Variants in CSTF2 observed in about 807,000 individuals in gnomAD.
The protein encoded by CSTF2 is cleavage stimulation factor subunit 2, also known as CF-1 64 kDa subunit.
A neutral mutation model predicts 45.4 loss-of-function variants in CSTF2; 8 were observed. The ratio of observed to expected loss-of-function variants is 0.18; its 90% CI spans 0.10 to 0.32. The LOEUF (loss-of-function observed/expected upper bound fraction) is 0.32, where lower values mean the gene tolerates loss of function less well. Ranked by LOEUF, CSTF2 falls within the 10% of genes least tolerant of loss-of-function variation. The pLI, the probability that CSTF2 is intolerant of heterozygous loss-of-function variation, is 1.00. For synonymous variants in CSTF2, 155 were observed against 158.9 expected, an observed-to-expected ratio of 0.98 and a Z score of 0.18; for missense variants, 253 against 477.1, an observed-to-expected ratio of 0.53 and a Z score of 4.38.
At chrX:100,830,876 T>C in intron 8 of CSTF2, 1 of 1,146,149 alleles carries the variant, frequency 8.7e-7, no homozygotes, top group East Asian at 3.3e-5. Context: ...AGGTACCCAT[T>C]GTATCTGTGG....
chrX:100,837,285 G>T, intron 11 of CSTF2, 54 bp from the exon 12 acceptor site: 1 of 842,560 alleles, frequency 1.2e-6, no homozygotes, highest in Non-Finnish European at 1.7e-6. Flanking sequence ...CTGAATTCAG[G>T]TTACCTATAC....
chrX:100,835,941 T>A (rs2085005756), intron 11 of CSTF2, among the ~76,000 whole-genome samples: 1 of 111,568 alleles, frequency 9.0e-6, no homozygotes, highest in Admixed American at 9.5e-5. Context: ...ACACCACCTG[T>A]TCCCCAATAA....
rs1051196809 is a variant in CSTF2 at position 100,831,725 on chromosome X, CTT to C, written c.1031+71_1031+72del. 54 of 1,100,602 alleles carry C rather than the reference CTT, an allele frequency of 4.9e-5. No homozygotes were observed. In the Admixed American group the frequency reaches 1.1e-3, roughly 23 times the overall value. The allele number at this position is 1,100,602 out of a possible 1,213,427, so 90.7% of individuals were successfully genotyped here. A position where few individuals can be genotyped will look rare whatever the true frequency, so the allele number is the denominator to read the frequency against. On this transcript the variant is annotated intron_variant, in intron 9 of 13. Coordinates refer to ENST00000372972, the MANE Select transcript of CSTF2 (RefSeq NM_001325.3). ...GTCCCTTCTTCCCTGAGAACAAAAT[CTT>C]TCTGTACCAGTTGTACCTGTTTGCC...
chrX:100,820,905 C>T (rs1345560426), intron 1 of CSTF2, among the ~76,000 whole-genome samples: 1 of 112,138 alleles, frequency 8.9e-6, no homozygotes, highest in Non-Finnish European at 1.9e-5. Context: ...TTTAGTGCAT[C>T]AATAGTGGTA....
intron 1 of CSTF2, among the ~76,000 whole-genome samples, chrX:100,820,986 A>G (rs890130711): frequency 1.8e-5 from 2 of 112,758 alleles, no homozygotes; most frequent in African/African-American, 6.5e-5. Flanking sequence ...TCCTCAGAGG[A>G]ATTTTAAAAA....
chrX:100,832,953 T>C (rs2084984789), intron 10 of CSTF2, 44 bp downstream of exon 10: 1 of 1,119,133 alleles, frequency 8.9e-7, no homozygotes, highest in East Asian at 3.1e-5. Flanking sequence ...AACTCAACTG[T>C]CTTAGGCTCT....
intron 2 of CSTF2, 37 bp downstream of exon 2, chrX:100,821,642 A>G: frequency 9.8e-7 from 1 of 1,016,711 alleles, no homozygotes. Context: ...GGAGCTTCTT[A>G]AAAATCACCA....
At chrX:100,831,448 A>G in intron 8 of CSTF2, 67 bp from the exon 9 acceptor site, 2 of 1,150,542 alleles carry the variant, frequency 1.7e-6, no homozygotes, top group South Asian at 1.8e-5. Context: ...TCAGTGGTAT[A>G]TAGAGTCATT....
intron 11 of CSTF2, among the ~76,000 whole-genome samples, chrX:100,834,626 T>G (rs2084996904): frequency 8.9e-6 from 1 of 112,368 alleles, no homozygotes; most frequent in Admixed American, 9.4e-5. Context: ...TATTGTACTC[T>G]CTATGGTCAG....
intron 13 of CSTF2, among the ~76,000 whole-genome samples, chrX:100,840,470 C>G (rs967421758): frequency 1.8e-5 from 2 of 111,543 alleles, no homozygotes; most frequent in African/African-American, 6.5e-5. Flanking sequence ...TCACCCACTT[C>G]CCAATAGCAA....
Position 100,841,200 on chromosome X carries a change from A to G in CSTF2, c.*490A>G, listed in dbSNP as rs758988598. Among the ~76,000 whole-genome samples, 2 of 112,612 alleles carry G rather than the reference A, an allele frequency of 1.8e-5. No individual in the cohort carries two copies. Among genetic ancestry groups the G allele is most frequent in the Non-Finnish European group, 3.7e-5 (2 of 53,346 alleles). Reference sequence around the variant, plus strand: ...ATATTCTAGCACTTCGGAGTCTTCTAGGAGAAAATATCACATGCTTAGAGC... The same window carrying G: ...ATATTCTAGCACTTCGGAGTCTTCTGGGAGAAAATATCACATGCTTAGAGC... On this transcript the variant is annotated 3_prime_UTR_variant, in exon 14 of 14. Transcript: ENST00000372972.
chrX:100,836,013 T>C (rs1358784403), intron 11 of CSTF2, among the ~76,000 whole-genome samples: 1 of 111,932 alleles, frequency 8.9e-6, no homozygotes, highest in East Asian at 2.8e-4. Context: ...AGACCCATAA[T>C]AGCTCGTTAA....
Position 100,837,657 on chromosome X carries a change from A to G in CSTF2, c.1611+208A>G, listed in dbSNP as rs1193666067. Among the ~76,000 whole-genome samples the G allele has an allele frequency of 6.2e-5, 7 of 112,297 alleles. No homozygotes were observed. In the Admixed American group the frequency reaches 6.6e-4, roughly 11 times the overall value. ...TAATGGATGTGAAGTTCTTAAGTGG[A>G]TGTAAATGGCAGCTTATTTTATATT... On this transcript the variant is annotated intron_variant, in intron 12 of 13. Coordinates refer to ENST00000372972, the MANE Select transcript of CSTF2 (RefSeq NM_001325.3).
At chrX:100,822,582 T>C in intron 3 of CSTF2, 162 bp downstream of exon 3, 1 of 489,637 alleles carries the variant, frequency 2.0e-6, no homozygotes, top group Non-Finnish European at 3.4e-6. Context: ...GTATTATATA[T>C]ATCTTTTTAA....
intron 11 of CSTF2, among the ~76,000 whole-genome samples, chrX:100,835,250 T>C (rs1302752004): frequency 1.1e-5 from 1 of 94,862 alleles, no homozygotes; most frequent in Non-Finnish European, 2.0e-5. Context: ...CACTCCAGCC[T>C]GGGCAGCATA....
At chrX:100,832,371 C>A in intron 9 of CSTF2, among the ~76,000 whole-genome samples, 1 of 112,052 alleles carries the variant, frequency 8.9e-6, no homozygotes, top group Admixed American at 9.4e-5. Flanking sequence ...CCATTTTACA[C>A]GTGAAACTGA....
chrX:100,826,608 A>C, intron 6 of CSTF2, 26 bp from the exon 7 acceptor site: 1 of 1,202,258 alleles, frequency 8.3e-7, no homozygotes, highest in Non-Finnish European at 1.1e-6. Context: ...AGGCATATAC[A>C]TACTCTGTTT....
intron 13 of CSTF2, among the ~76,000 whole-genome samples, chrX:100,839,116 A>G (rs1243087214): frequency 9.1e-6 from 1 of 109,404 alleles, no homozygotes; most frequent in Non-Finnish European, 1.9e-5. Flanking sequence ...AGGCATGGTG[A>G]GATGCGCCTA....
chrX:100,838,214 T>G (rs1311874345), intron 12 of CSTF2, 25 bp from the exon 13 acceptor site: 1 of 1,123,307 alleles, frequency 8.9e-7, no homozygotes, highest in Admixed American at 2.9e-5. Flanking sequence ...TAAAACTCAC[T>G]ACCTTTTTTT....
Sources: gnomAD v4.1 joint callset for allele counts (sites outside exome capture counted in the v4.1 genomes callset) on GRCh38, gnomAD v4.1.1 for gene constraint, MANE v1.5 for transcripts, NCBI Gene and HGNC (gene_info 2026-07-23, HGNC 2026-07-21) for gene names.